RORA: variants seen among roughly 807,000 people sequenced by gnomAD.
RORA encodes RAR related orphan receptor A, also known as nuclear receptor ROR-alpha.
A neutral mutation model predicts 69.5 loss-of-function variants in RORA; 7 were observed. That is an observed-to-expected ratio of 0.10 (90% CI 0.06 to 0.19). The LOEUF (loss-of-function observed/expected upper bound fraction) is 0.19, where lower values mean the gene tolerates loss of function less well. RORA is among the 10% of genes least tolerant of loss of function. The pLI, the probability that RORA is intolerant of heterozygous loss-of-function variation, is 1.00. For missense variants in RORA, 457 were observed against 663.0 expected (o/e 0.69, Z 3.41); for synonymous variants, 261 against 240.8 (o/e 1.08, Z -0.78).
intron 1 of RORA, among the ~76,000 whole-genome samples, chr15:60,762,984 A>C (rs2071917569): frequency 6.6e-6 from 1 of 151,946 alleles, no homozygotes; most frequent in African/African-American, 2.4e-5. Flanking sequence ...CATATTCATA[A>C]ACAAAAATGT....
rs2079339566 is a variant in RORA, at chr15:61,145,703, A to G, written c.166+83350T>C. Among the ~76,000 whole-genome samples, 3 of 152,164 alleles carry G rather than the reference A, an allele frequency of 2.0e-5. No individual in the cohort carries two copies. In the South Asian group the frequency reaches 6.2e-4, roughly 32 times the overall value. Reference sequence around the variant, plus strand: ...CAATCCACTCATAACCCTTTTCCTAAAAGAGAATTCAAAAGACTGAGGTGG... The same window carrying G: ...CAATCCACTCATAACCCTTTTCCTAGAAGAGAATTCAAAAGACTGAGGTGG... On this transcript the variant is annotated intron_variant, in intron 1 of 10. Coordinates refer to ENST00000335670, the MANE Select transcript of RORA (RefSeq NM_134261.3).
At chr15:61,068,026 A>G (rs1204085352) in intron 1 of RORA, among the ~76,000 whole-genome samples, 3 of 152,194 alleles carry the variant, frequency 2.0e-5, no homozygotes, top group Non-Finnish European at 4.4e-5. Flanking sequence ...ACCCAGCACT[A>G]GGTCTCTGAA....
chr15:60,868,968 G>C (rs2073521796), intron 1 of RORA, among the ~76,000 whole-genome samples: 1 of 152,130 alleles, frequency 6.6e-6, no homozygotes, highest in African/African-American at 2.4e-5. Context: ...TTCAAACAAG[G>C]AAGCTGACCA....
In RORA at chr15:60,802,566, ATG is replaced by A. The variant is rs927507547; in HGVS notation, c.167-123882_167-123881del. Among the ~76,000 whole-genome samples the A allele has an allele frequency of 2.5e-4, 38 of 151,602 alleles. 1 individual carries two copies. The highest frequency in any genetic ancestry group is 7.7e-4 in the African/African-American group (32 of 41,362). ...GAAGAACCTTGCCTTTTAAGGCATA[ATG>A]TGTGTGTGTGTGTTTATGTGCGTGT... On this transcript the variant is annotated intron_variant, in intron 1 of 10. Coordinates refer to ENST00000335670, the MANE Select transcript of RORA (RefSeq NM_134261.3).
rs188396599 is a variant in RORA at position 60,969,498 on chromosome 15, G to A, written c.166+259555C>T. Reference sequence around the variant, plus strand: ...GTAGACCAAAGCACCTATATTCAAAGGATATTCACAGGATTGCAGGCAACA... The same window carrying A: ...GTAGACCAAAGCACCTATATTCAAAAGATATTCACAGGATTGCAGGCAACA... On this transcript the variant is annotated intron_variant, in intron 1 of 10. Transcript: ENST00000335670. Among the ~76,000 whole-genome samples, 128 of 152,312 alleles carry A rather than the reference G, an allele frequency of 8.4e-4. 1 individual carries two copies. Among genetic ancestry groups the A allele is most frequent in the African/African-American group, 2.8e-3 (117 of 41,560 alleles).
In RORA at chr15:60,580,975, T is replaced by C. The variant is rs370045108; in HGVS notation, c.197-49124A>G. On this transcript the variant is annotated intron_variant, in intron 2 of 10. Coordinates refer to ENST00000335670, the MANE Select transcript of RORA (RefSeq NM_134261.3). ...CACATTCCTGCTGATTACCACACTA[T>C]CTTTGTTGGGGGAGGGCTGTGCTCA... is the stretch of plus-strand genomic sequence containing the variant. 7.0e-4 allele frequency among the ~76,000 whole-genome samples: 107 copies of C among 152,328 alleles called. 2 individuals carry two copies. In the South Asian group the frequency reaches 0.022, roughly 31 times the overall value.
intron 1 of RORA, among the ~76,000 whole-genome samples, chr15:60,839,310 G>C (rs938837622): frequency 2.0e-5 from 3 of 152,162 alleles, no homozygotes; most frequent in African/African-American, 7.2e-5. Flanking sequence ...TCACATTAAA[G>C]ATGATGATAA....
At position 61,098,977 on chromosome 15, in the gene RORA, G is replaced by C. The variant is rs150984813; in HGVS notation, c.166+130076C>G. Among the ~76,000 whole-genome samples, 533 of 152,296 alleles carry C rather than the reference G, an allele frequency of 3.5e-3. 2 individuals carry two copies. Among genetic ancestry groups the C allele is most frequent in the African/African-American group, 0.012 (505 of 41,550 alleles). On this transcript the variant is annotated intron_variant, in intron 1 of 10. Coordinates refer to ENST00000335670, the MANE Select transcript of RORA (RefSeq NM_134261.3). ...TCCCTTGCAGGCAACGTACGCTTCA[G>C]TGAAATTTTTCATTTGCAAATTAGG...
chr15:61,183,881 A>G (rs2079713514), intron 1 of RORA, among the ~76,000 whole-genome samples: 1 of 152,130 alleles, frequency 6.6e-6, no homozygotes, highest in South Asian at 2.1e-4. Context: ...CTCTCTTCCC[A>G]GCAATTTTGT....
chr15:60,785,223 G>A (rs539011894), intron 1 of RORA, among the ~76,000 whole-genome samples: 40 of 152,254 alleles, frequency 2.6e-4, no homozygotes, highest in African/African-American at 9.1e-4. Flanking sequence ...TCATGCACTC[G>A]AAAAGTAAAC....
intron 1 of RORA, among the ~76,000 whole-genome samples, chr15:61,218,102 A>T (rs943750572): frequency 6.6e-6 from 1 of 152,080 alleles, no homozygotes; most frequent in African/African-American, 2.4e-5. Flanking sequence ...GTGGCTCGTA[A>T]TCTGTATTTT....
intron 1 of RORA, among the ~76,000 whole-genome samples, chr15:61,041,961 T>C (rs1896793743): frequency 6.6e-6 from 1 of 152,180 alleles, no homozygotes; most frequent in Admixed American, 6.5e-5. Context: ...AGAGGTTAAA[T>C]AACTTGCCCA....
chr15:60,639,696 C>T (rs942953358), intron 2 of RORA, among the ~76,000 whole-genome samples: 2 of 152,168 alleles, frequency 1.3e-5, no homozygotes, highest in Non-Finnish European at 2.9e-5. Flanking sequence ...GCTACAGCAC[C>T]TCAGGAGGGG....
intron 1 of RORA, among the ~76,000 whole-genome samples, chr15:60,961,165 CAT>C: frequency 6.6e-6 from 1 of 152,338 alleles, no homozygotes; most frequent in East Asian, 1.9e-4. Context: ...CACTTCCCCA[CAT>C]AACATTTCTT....
At chr15:60,702,514 G>T (rs569837126) in intron 1 of RORA, among the ~76,000 whole-genome samples, 2 of 152,186 alleles carry the variant, frequency 1.3e-5, no homozygotes, top group African/African-American at 4.8e-5. Flanking sequence ...TTACAGGCGT[G>T]AGCCACCGCG....
Position 60,511,387 on chromosome 15 carries a change from C to G in RORA, c.659G>C (p.Ser220Thr). The change falls in exon 5 of 11, where the codon AGC (serine) becomes ACC (threonine). Residue 220 changes from serine to threonine, a missense_variant. Coordinates refer to ENST00000335670, the MANE Select transcript of RORA (RefSeq NM_134261.3). This position sits in a 1 kb window ranked among gnomAD's most constrained non-coding sequence, Gnocchi z 6.4. ...GGAAGGCTGTATGTCCAGGTAGAAG[C>G]TGCTGACGGCGGAGTCTGCCTTACT... ...EGSKADSAVS[S>T]FYLDIQPSPD... is the part of the protein sequence containing the mutation. The G allele has an allele frequency of 6.2e-7, 1 of 1,614,184 alleles. No individual in the cohort carries two copies. The highest frequency in any genetic ancestry group is 8.5e-7 in the Non-Finnish European group (1 of 1,180,022).
In RORA at chr15:60,709,913, G is replaced by A. The variant is rs75318187; in HGVS notation, c.167-31227C>T. Among the ~76,000 whole-genome samples, 849 of 152,210 alleles carry A rather than the reference G, an allele frequency of 5.6e-3. 7 individuals carry two copies. Among genetic ancestry groups the A allele is most frequent in the East Asian group, 0.02 (103 of 5,176 alleles). ...TGGTCTCTGGTGCCAAAAAGGTTGGGGACTGTTGCTTTAGACCACCCTGCC... is the reference window on the plus strand; with the variant it reads ...TGGTCTCTGGTGCCAAAAAGGTTGGAGACTGTTGCTTTAGACCACCCTGCC... On this transcript the variant is annotated intron_variant, in intron 1 of 10. Transcript: ENST00000335670.
At chr15:60,900,638 C>A (rs935612115) in intron 1 of RORA, among the ~76,000 whole-genome samples, 20 of 152,224 alleles carry the variant, frequency 1.3e-4, no homozygotes, top group African/African-American at 4.3e-4. Flanking sequence ...CTCTGGGAGG[C>A]CGAGGCGGGT....
chr15:60,802,495 T>C (rs748509763), intron 1 of RORA, among the ~76,000 whole-genome samples: 16 of 152,228 alleles, frequency 1.1e-4, no homozygotes, highest in Non-Finnish European at 1.9e-4. Context: ...TGCAGAAGCT[T>C]TGCCAAGGAC....
Sources: gnomAD v4.1 joint callset for allele counts (sites outside exome capture counted in the v4.1 genomes callset) on GRCh38, gnomAD v4.1.1 for gene constraint, Gnocchi (gnomAD v3.1) non-coding constraint, MANE v1.5 for transcripts, NCBI Gene and HGNC (gene_info 2026-07-23, HGNC 2026-07-21) for gene names.